UBE2E2: variants seen among roughly 807,000 people sequenced by gnomAD.
UBE2E2 encodes ubiquitin-conjugating enzyme E2 E2.
UBE2E2 carries 6 observed loss-of-function variants against 24.7 expected under a neutral mutation model. That is an observed-to-expected ratio of 0.24 (90% CI 0.13 to 0.48). UBE2E2 has a LOEUF of 0.48. Ranked by LOEUF, UBE2E2 falls within the 20% of genes least tolerant of loss-of-function variation. The pLI is 0.99. For synonymous variants in UBE2E2, 104 were observed against 83.6 expected, an observed-to-expected ratio of 1.24 and a Z score of -1.33; for missense variants, 169 against 245.0, an observed-to-expected ratio of 0.69 and a Z score of 2.07.
chr3:23,482,666 A>ATT (rs201850082), intron 3 of UBE2E2, among the ~76,000 whole-genome samples: 1 of 151,386 alleles, frequency 6.6e-6, no homozygotes, highest in African/African-American at 2.4e-5. Context: ...GATTATTATT[A>ATT]TTTTTTTTTA....
At chr3:23,308,590 T>C (rs1299084699) in intron 3 of UBE2E2, among the ~76,000 whole-genome samples, 1 of 152,242 alleles carries the variant, frequency 6.6e-6, no homozygotes, top group Non-Finnish European at 1.5e-5. Context: ...ACAGGTATTC[T>C]TATTAGACAC....
intron 3 of UBE2E2, among the ~76,000 whole-genome samples, chr3:23,397,253 A>T (rs1451657977): frequency 6.6e-6 from 1 of 152,208 alleles, no homozygotes; most frequent in Non-Finnish European, 1.5e-5. Context: ...CCTAGTTGTC[A>T]TCAAGAAGCT....
chr3:23,457,524 C>A (rs1340210667), intron 3 of UBE2E2, among the ~76,000 whole-genome samples: 1 of 152,110 alleles, frequency 6.6e-6, no homozygotes, highest in Non-Finnish European at 1.5e-5. Context: ...CTTCATCTTG[C>A]ACTTTTTTTT....
intron 3 of UBE2E2, among the ~76,000 whole-genome samples, chr3:23,329,151 A>T (rs1490757005): frequency 6.6e-6 from 1 of 152,206 alleles, no homozygotes; most frequent in African/African-American, 2.4e-5. Context: ...GAATTCTCAG[A>T]CATGAATTTT....
At chr3:23,229,765 C>T (rs924245798) in intron 3 of UBE2E2, among the ~76,000 whole-genome samples, 6 of 152,156 alleles carry the variant, frequency 3.9e-5, no homozygotes, top group African/African-American at 1.4e-4. Flanking sequence ...TCTGCCCTGT[C>T]CAGTACAGTG....
chr3:23,299,648 G>C (rs974651374), intron 3 of UBE2E2, among the ~76,000 whole-genome samples: 1 of 152,040 alleles, frequency 6.6e-6, no homozygotes, highest in Non-Finnish European at 1.5e-5. Flanking sequence ...GGTCTGAGAG[G>C]CAGTTTGTTG....
At chr3:23,297,405 A>G (rs1030584453) in intron 3 of UBE2E2, among the ~76,000 whole-genome samples, 1 of 151,794 alleles carries the variant, frequency 6.6e-6, no homozygotes, top group African/African-American at 2.4e-5. Flanking sequence ...CCTGAATGGT[A>G]TTGCCTAGCT....
At chr3:23,547,255 T>C (rs549279905) in intron 5 of UBE2E2, among the ~76,000 whole-genome samples, 41 of 152,308 alleles carry the variant, frequency 2.7e-4, no homozygotes, top group Non-Finnish European at 4.7e-4. Context: ...TCCAGCTGTT[T>C]AGTAGGTTCT....
intron 3 of UBE2E2, among the ~76,000 whole-genome samples, chr3:23,375,026 T>A (rs1179315471): frequency 6.6e-6 from 1 of 152,090 alleles, no homozygotes. Context: ...TCTATAGTAA[T>A]AAATGGCAGA....
intron 3 of UBE2E2, among the ~76,000 whole-genome samples, chr3:23,261,240 T>C (rs1162364354): frequency 6.6e-6 from 1 of 152,134 alleles, no homozygotes; most frequent in African/African-American, 2.4e-5. Context: ...AATATTCTAC[T>C]TAGAAATTCA....
chr3:23,395,328 G>T (rs1311695569), intron 3 of UBE2E2, among the ~76,000 whole-genome samples: 1 of 152,184 alleles, frequency 6.6e-6, no homozygotes, highest in Non-Finnish European at 1.5e-5. Flanking sequence ...AAAATCCCCT[G>T]CTTTGCAGTG....
chr3:23,591,827 C>T (rs1250171800), downstream of UBE2E2: 6 of 152,146 alleles, frequency 3.9e-5, no homozygotes, highest in Non-Finnish European at 8.8e-5. Flanking sequence ...GTTTAATTGC[C>T]TACAGTTTCT....
intron 4 of UBE2E2, among the ~76,000 whole-genome samples, chr3:23,510,172 G>T (rs953227212): frequency 6.6e-6 from 1 of 152,216 alleles, no homozygotes; most frequent in African/African-American, 2.4e-5. Flanking sequence ...CTGTCCAAGA[G>T]AAGAGTCAGT....
Position 23,248,465 on chromosome 3 carries a change from G to A in UBE2E2, c.227+31153G>A, listed in dbSNP as rs200570308. Among the ~76,000 whole-genome samples, 122 of 152,336 alleles carry A rather than the reference G, an allele frequency of 8.0e-4. 2 individuals are homozygous for A. Among genetic ancestry groups the A allele is most frequent in the East Asian group, 2.9e-3 (15 of 5,192 alleles). ...AGTTCTGCTAGCTAAGTGGAATGTT[G>A]AGAATTTAGAACATTCAGCACAATA... On this transcript the variant is annotated intron_variant, in intron 3 of 5. Coordinates refer to ENST00000396703, the MANE Select transcript of UBE2E2 (RefSeq NM_152653.4).
chr3:23,534,129 T>C, intron 5 of UBE2E2: 1 of 108,428 alleles, frequency 9.2e-6, no homozygotes, highest in Non-Finnish European at 1.1e-5. Context: ...GCAAGAAGGC[T>C]TTTTTTTTTT....
At chr3:23,400,271 CTT>C (rs1697186144) in intron 3 of UBE2E2, among the ~76,000 whole-genome samples, 1 of 152,142 alleles carries the variant, frequency 6.6e-6, no homozygotes, top group African/African-American at 2.4e-5. Context: ...TTACCAATTT[CTT>C]TGTCTAATTA....
chr3:23,474,462 G>A lies in UBE2E2; in HGVS notation c.228-25146G>A, dbSNP rs966666756. Among the ~76,000 whole-genome samples, 7 of 152,102 alleles carry A rather than the reference G, an allele frequency of 4.6e-5. No individual in the cohort carries two copies. The East Asian group carries it at 9.6e-4, about 21-fold the overall frequency. ...GTGCAGATTTCAGACACAAATACAC[G>A]TTATTGTACATTTCTAATAATCTAT... On this transcript the variant is annotated intron_variant, in intron 3 of 5. Transcript: ENST00000396703. The surrounding 1 kb of genome is among the most constrained non-coding windows in gnomAD (Gnocchi z 4.0).
intron 3 of UBE2E2, among the ~76,000 whole-genome samples, chr3:23,253,363 G>T (rs6766166): frequency 2.0e-5 from 3 of 151,986 alleles, no homozygotes; most frequent in Non-Finnish European, 4.4e-5. Context: ...TAGGTAAATG[G>T]GCATAGTACA....
intron 3 of UBE2E2, among the ~76,000 whole-genome samples, chr3:23,254,598 C>T (rs1025208184): frequency 6.6e-6 from 1 of 152,180 alleles, no homozygotes; most frequent in East Asian, 1.9e-4. Context: ...GTATATCTGG[C>T]TTCATTGAAA....
Sources: allele counts gnomAD v4.1 joint callset (sites outside exome capture counted in the v4.1 genomes callset), GRCh38; gene constraint gnomAD v4.1.1; non-coding constraint Gnocchi (gnomAD v3.1); transcripts MANE v1.5; gene names NCBI Gene and HGNC (gene_info 2026-07-23, HGNC 2026-07-21).